DOP1B: variants seen among roughly 807,000 people sequenced by gnomAD.
The protein encoded by DOP1B is protein DOP1B.
Under a neutral mutation model 233.5 loss-of-function variants are expected in DOP1B, and 174 were observed. That is an observed-to-expected ratio of 0.75 (90% CI 0.66 to 0.85). The LOEUF is 0.85. Among genes scored for constraint, DOP1B ranks in the 40% least tolerant of loss-of-function variants. The probability of loss-of-function intolerance (pLI) is 0.00; values close to 1 mark genes in which losing one functional copy is unlikely to be tolerated. For missense variants in DOP1B, 2,652 were observed against 2,846.6 expected (o/e 0.93, Z 1.56); for synonymous variants, 1,190 against 1,185.6 (o/e 1.00, Z -0.08).
chr21:36,191,175 G>A (rs1382625432), intron 2 of DOP1B, among the ~76,000 whole-genome samples: 1 of 151,840 alleles, frequency 6.6e-6, no homozygotes, highest in South Asian at 2.1e-4. Flanking sequence ...AAATGGGAGC[G>A]GAAGAGTGTC....
chr21:36,200,362 G>A lies in DOP1B; in HGVS notation c.352G>A (p.Ala118Thr), dbSNP rs542433080. 6.5e-5 allele frequency: 105 copies of A among 1,608,844 alleles called. 1 individual carries two copies. The South Asian group carries it at 1.1e-3, about 17-fold the overall frequency. ...GTTATTTCCTCTCCTGGCACACGCGGCGGTGTCGGTGAGGCCGGTGCTGCT... is the reference window on the plus strand; with the variant it reads ...GTTATTTCCTCTCCTGGCACACGCGACGGTGTCGGTGAGGCCGGTGCTGCT... ...CGLFPLLAHA[A>T]VSVRPVLLTL... The change falls in exon 4 of 37, where the codon GCG becomes ACG. Residue 118 changes from alanine (A) to threonine (T), a missense_variant. Physicochemically the swap from Ala to Thr is moderately conservative, Grantham distance 58. This residue lies in a region of DOP1B where 2,617 missense variants were observed against 2,794.3 expected (regional missense o/e 0.94). Transcript: ENST00000691173.
At chr21:36,167,575 T>C (rs540211411) in intron 2 of DOP1B, among the ~76,000 whole-genome samples, 1 of 152,360 alleles carries the variant, frequency 6.6e-6, no homozygotes, top group South Asian at 2.1e-4. Flanking sequence ...ATTCACCATT[T>C]ACCCATTTTA....
In DOP1B at chr21:36,270,095, T is replaced by G; in HGVS notation, c.5570T>G (p.Leu1857Arg). Residue 1857 changes from leucine to arginine, a missense_variant, in exon 27 of 37, where the codon CTG (leucine) becomes CGG (arginine). Leu to Arg is a moderately radical substitution (Grantham distance 102). This residue lies in a region of DOP1B where 2,617 missense variants were observed against 2,794.3 expected (regional missense o/e 0.94). Coordinates refer to ENST00000691173, the MANE Select transcript of DOP1B (RefSeq NM_001320714.2). ...LEQTSWLSRN[L>R]EVKAQPQASL... ...CAAACCAGCTGGCTAAGCAGAAACCTGGAAGTGAAGGCCCAACCTCAGGCC... is the reference window on the plus strand; with the variant it reads ...CAAACCAGCTGGCTAAGCAGAAACCGGGAAGTGAAGGCCCAACCTCAGGCC... 1 of 1,613,976 alleles carries G rather than the reference T, an allele frequency of 6.2e-7. No homozygotes were observed. The highest frequency in any genetic ancestry group is 8.5e-7 in the Non-Finnish European group (1 of 1,179,968).
At chr21:36,189,472 C>A (rs7283804) in intron 2 of DOP1B, among the ~76,000 whole-genome samples, 28,112 of 152,212 alleles carry the variant, frequency 0.18, 2,555 homozygotes, top group Non-Finnish European at 0.2. Flanking sequence ...CAGTGGCTTA[C>A]ACCTGTAATC....
rs2067519195 is a variant in DOP1B at position 36,288,821 on chromosome 21, A to G, written c.6353+10A>G. The G allele has an allele frequency of 1.9e-6, 3 of 1,607,722 alleles. No homozygotes were observed. The highest frequency in any genetic ancestry group is 1.3e-5 in the African/African-American group (1 of 74,774). ...AAGATGAGTCATTGAGGTAAGCAGTACAAGATCTGTACACAAGAGGAAAAG... is the reference window on the plus strand; with the variant it reads ...AAGATGAGTCATTGAGGTAAGCAGTGCAAGATCTGTACACAAGAGGAAAAG... On this transcript the variant is annotated intron_variant, in intron 34 of 36. Coordinates refer to ENST00000691173, the MANE Select transcript of DOP1B (RefSeq NM_001320714.2).
At chr21:36,228,882 G>A (rs2066725566) in intron 13 of DOP1B, among the ~76,000 whole-genome samples, 2 of 152,110 alleles carry the variant, frequency 1.3e-5, no homozygotes, top group Admixed American at 1.3e-4. Flanking sequence ...GAGGTGGGAG[G>A]ATCGCTTGAG....
rs2065933015 is a variant in DOP1B, at chr21:36,168,011, T to G, written c.138+3140T>G. On this transcript the variant is annotated intron_variant, in intron 2 of 36. Transcript: ENST00000691173. ...CAGGCTGAAGTGCAGTGGCACAGTC[T>G]CGGCTAACTGCAACCTCCACCTTCT... Among the ~76,000 whole-genome samples the G allele has an allele frequency of 2.2e-5, 3 of 137,616 alleles. No individual in the cohort carries two copies. In the South Asian group the frequency reaches 7.7e-4, roughly 35 times the overall value. 90.3% of individuals were successfully genotyped at this position (137,616 alleles called of 152,430 possible).
intron 28 of DOP1B, among the ~76,000 whole-genome samples, 182 bp downstream of exon 28, chr21:36,277,282 A>C (rs1372427700): frequency 2.6e-5 from 4 of 152,048 alleles, no homozygotes; most frequent in Admixed American, 6.6e-5. Context: ...TTTTGCTTTA[A>C]GGACTGCACT....
At chr21:36,196,382 G>A (rs773685777) in intron 2 of DOP1B, among the ~76,000 whole-genome samples, 22 of 152,146 alleles carry the variant, frequency 1.4e-4, no homozygotes, top group Non-Finnish European at 2.1e-4. Context: ...CTGCCTGACC[G>A]TTCTATGTGT....
intron 5 of DOP1B, among the ~76,000 whole-genome samples, 186 bp downstream of exon 5, chr21:36,209,090 G>A (rs2066463131): frequency 6.6e-6 from 1 of 152,168 alleles, no homozygotes; most frequent in African/African-American, 2.4e-5. Context: ...GGCTGGTGGT[G>A]GCTTTTTTAA....
intron 1 of DOP1B, among the ~76,000 whole-genome samples, chr21:36,161,359 G>T (rs1342636837): frequency 1.3e-5 from 2 of 151,872 alleles, no homozygotes; most frequent in Non-Finnish European, 2.9e-5. Flanking sequence ...GGCTGGTCTC[G>T]AACTCCTGAC....
intron 26 of DOP1B, among the ~76,000 whole-genome samples, chr21:36,265,791 A>G (rs1439003251): frequency 1.3e-5 from 2 of 152,206 alleles, no homozygotes; most frequent in African/African-American, 2.4e-5. Flanking sequence ...CACTGAGGAT[A>G]TAGAAAAAAA....
At position 36,169,679 on chromosome 21, in the gene DOP1B, G is replaced by A. The variant is rs977456668; in HGVS notation, c.138+4808G>A. On this transcript the variant is annotated intron_variant, in intron 2 of 36. Coordinates refer to ENST00000691173, the MANE Select transcript of DOP1B (RefSeq NM_001320714.2). The stretch of plus-strand genomic sequence containing the variant: ...CTTCTGGCGCAGAGGAAGTAGGCGC[G>A]TCTGGGTGTGGGCAGCGAGGCGGGT... 76 of 892,682 alleles carry A rather than the reference G, an allele frequency of 8.5e-5. 1 individual carries two copies. Among genetic ancestry groups the A allele is most frequent in the East Asian group, 3.4e-4 (14 of 41,674 alleles). 55.3% of individuals were successfully genotyped at this position (892,682 alleles called of 1,614,324 possible).
intron 13 of DOP1B, among the ~76,000 whole-genome samples, chr21:36,228,236 G>C (rs888526474): frequency 6.6e-6 from 1 of 152,060 alleles, no homozygotes; most frequent in African/African-American, 2.4e-5. Flanking sequence ...GCTGAGGCGG[G>C]TGGATCTCCT....
chr21:36,277,123 G>A (rs371957153), intron 28 of DOP1B, 23 bp downstream of exon 28: 46 of 1,604,778 alleles, frequency 2.9e-5, no homozygotes, highest in Middle Eastern at 1.7e-4. Flanking sequence ...CTGACCTGTC[G>A]TCCTTTATGG....
At chr21:36,186,076 G>A (rs1322341293) in intron 2 of DOP1B, among the ~76,000 whole-genome samples, 2 of 152,054 alleles carry the variant, frequency 1.3e-5, no homozygotes, top group South Asian at 4.1e-4. Flanking sequence ...GGTGGCGGGC[G>A]CCTGTAATCC....
chr21:36,243,705 C>T (rs1331860831), intron 18 of DOP1B, among the ~76,000 whole-genome samples: 1 of 151,766 alleles, frequency 6.6e-6, no homozygotes, highest in African/African-American at 2.4e-5. Context: ...AGGGGTCTCA[C>T]TCTGTTGCCC....
At chr21:36,214,399 A>G (rs762403040) in intron 8 of DOP1B, 43 bp from the exon 9 acceptor site, 93 of 1,568,804 alleles carry the variant, frequency 5.9e-5, no homozygotes, top group Non-Finnish European at 2.9e-5. Flanking sequence ...GTTACACTTT[A>G]TGATATACGA....
rs765644128 is a variant in DOP1B at position 36,245,986 on chromosome 21, C to A, written c.4006C>A (p.Arg1336=). The A allele has an allele frequency of 3.7e-6, 6 of 1,614,066 alleles. No individual in the cohort carries two copies. The Admixed American group carries it at 8.3e-5, about 22-fold the overall frequency. The change falls in exon 19 of 37, where the codon CGA becomes AGA. Residue 1336 remains arginine, a synonymous_variant. Coordinates refer to ENST00000691173, the MANE Select transcript of DOP1B (RefSeq NM_001320714.2). This position sits in a 1 kb window ranked among gnomAD's most constrained non-coding sequence, Gnocchi z 5.5. ...YYPCYLKVSH[R]DILGNRDVQV... is the part of the protein sequence containing the mutation. ...CCCTTGCTATTTGAAGGTCTCGCAC[C>A]GAGACATTCTCGGCAACCGGGACGT...
Sources: gnomAD v4.1 joint callset for allele counts (sites outside exome capture counted in the v4.1 genomes callset) on GRCh38, gnomAD v4.1.1 for gene constraint, gnomAD v4.1.1 regional missense constraint, Gnocchi (gnomAD v3.1) non-coding constraint, MANE v1.5 for transcripts, NCBI Gene and HGNC (gene_info 2026-07-23, HGNC 2026-07-21) for gene names.